Variants in PTER observed in about 807,000 individuals in gnomAD.
The protein encoded by PTER is phosphotriesterase related, also known as N-acetyltaurine hydrolase.
Under a neutral mutation model 29.6 loss-of-function variants are expected in PTER, and 38 were observed. That is an observed-to-expected ratio of 1.28 (90% CI 0.99 to 1.68). The LOEUF (loss-of-function observed/expected upper bound fraction) is 1.68. Among genes scored for constraint, PTER ranks in the 40% most tolerant of loss-of-function variants. The probability of loss-of-function intolerance (pLI) is 0.00; values close to 1 mark genes in which losing one functional copy is unlikely to be tolerated. For synonymous variants in PTER, 172 were observed against 154.5 expected, an observed-to-expected ratio of 1.11 and a Z score of -0.84; for missense variants, 482 against 427.8, an observed-to-expected ratio of 1.13 and a Z score of -1.12.
intron 3 of PTER, among the ~76,000 whole-genome samples, chr10:16,493,436 T>A (rs954217109): frequency 1.4e-4 from 21 of 152,076 alleles, no homozygotes; most frequent in Non-Finnish European, 2.5e-4. Context: ...ATTTTTTTTT[T>A]AAATTTTTAA....
intron 1 of PTER, among the ~76,000 whole-genome samples, chr10:16,444,314 G>A (rs563667231): frequency 6.6e-6 from 1 of 151,822 alleles, no homozygotes; most frequent in Non-Finnish European, 1.5e-5. Context: ...TTTTGAGACG[G>A]TGTCTTGCTC....
intron 1 of PTER, among the ~76,000 whole-genome samples, chr10:16,459,627 T>G (rs1834533587): frequency 6.6e-6 from 1 of 152,208 alleles, no homozygotes; most frequent in African/African-American, 2.4e-5. Flanking sequence ...CCCTCCTAAT[T>G]ATGACTCAAA....
chr10:16,490,196 A>G (rs1040879451), intron 3 of PTER, among the ~76,000 whole-genome samples: 5 of 152,198 alleles, frequency 3.3e-5, no homozygotes, highest in African/African-American at 1.2e-4. Context: ...GGTGTTGAAC[A>G]GCTCATATAA....
chr10:16,468,619 G>A (rs768105050), intron 1 of PTER, among the ~76,000 whole-genome samples: 1 of 152,112 alleles, frequency 6.6e-6, no homozygotes, highest in African/African-American at 2.4e-5. Context: ...GGGAACTGAG[G>A]ACTGAGAGGC....
intron 1 of PTER, among the ~76,000 whole-genome samples, chr10:16,462,754 A>G (rs1014864840): frequency 6.6e-6 from 1 of 151,666 alleles, no homozygotes; most frequent in African/African-American, 2.4e-5. Flanking sequence ...TATTTTTAGT[A>G]GAGACGGGGT....
At chr10:16,493,211 C>T (rs1330214204) in intron 3 of PTER, among the ~76,000 whole-genome samples, 3 of 152,160 alleles carry the variant, frequency 2.0e-5, no homozygotes, top group African/African-American at 7.2e-5. Flanking sequence ...AACTTACACA[C>T]ATTTAATCCC....
rs12265362 is a variant in PTER, at chr10:16,512,374, C to A, written c.*1118C>A. The A allele has an allele frequency of 3.9e-5, 6 of 152,036 alleles. No homozygotes were observed. Among genetic ancestry groups the A allele is most frequent in the African/African-American group, 1.4e-4 (6 of 41,396 alleles). 9.4% of individuals were successfully genotyped at this position (152,036 alleles called of 1,614,324 possible). A position where few individuals can be genotyped will look rare whatever the true frequency, so the allele number is the denominator to read the frequency against. On this transcript the variant is annotated 3_prime_UTR_variant, in exon 5 of 5. Coordinates refer to ENST00000535784, the MANE Select transcript of PTER (RefSeq NM_001261836.2). ...CCTAAAAATATTCTCCAAACCCTTGCTGCCAGTTCCTCTTTGATAAATATA... is the reference window on the plus strand; with the variant it reads ...CCTAAAAATATTCTCCAAACCCTTGATGCCAGTTCCTCTTTGATAAATATA...
At chr10:16,500,897 T>C (rs1158890105) in intron 3 of PTER, among the ~76,000 whole-genome samples, 4 of 151,988 alleles carry the variant, frequency 2.6e-5, no homozygotes, top group African/African-American at 9.7e-5. Context: ...TGAGCCACCA[T>C]GCCTGCCATC....
At chr10:16,462,518 C>G (rs1005366226) in intron 1 of PTER, among the ~76,000 whole-genome samples, 1 of 149,432 alleles carries the variant, frequency 6.7e-6, no homozygotes, top group Non-Finnish European at 1.5e-5. Context: ...GTTTTCTCGT[C>G]TTTGCAATTT....
rs772175224 is a variant in PTER at position 16,484,372 on chromosome 10, G to A, written c.-13G>A. 2 of 1,562,378 alleles carry A rather than the reference G, an allele frequency of 1.3e-6. No homozygotes were observed. The highest frequency in any genetic ancestry group is 2.8e-5 in the African/African-American group (2 of 71,996). On this transcript the variant is annotated 5_prime_UTR_variant, in exon 2 of 5. Transcript: ENST00000535784. ...TCCTCTTTTTAGAACATCTCTTGGT[G>A]GTACCATCAGAAATGTCTTCCTTAA... is the stretch of plus-strand genomic sequence containing the variant.
Position 16,511,170 on chromosome 10 carries a change from C to G in PTER, c.964C>G (p.Pro322Ala), listed in dbSNP as rs767748722. ...TTCTCATATACTCACCAATGTTGTT[C>G]CTAAAATGTTGCTGAGAGGCATAAC... ...GYSHILTNVV[P>A]KMLLRGITEN... is the part of the protein sequence containing the mutation. Residue 322 changes from proline to alanine, a missense_variant, in exon 5 of 5, where the codon CCT becomes GCT. Transcript: ENST00000535784. 6.2e-7 allele frequency: 1 copy of G among 1,614,042 alleles called. No individual in the cohort carries two copies. The highest frequency in any genetic ancestry group is 8.5e-7 in the Non-Finnish European group (1 of 1,179,966).
chr10:16,490,010 G>T (rs564445666), intron 3 of PTER, among the ~76,000 whole-genome samples: 1 of 152,084 alleles, frequency 6.6e-6, no homozygotes, highest in Non-Finnish European at 1.5e-5. Flanking sequence ...CTTAAGATGG[G>T]TTATGTTCCA....
chr10:16,449,127 G>T (rs1834113627), intron 1 of PTER, among the ~76,000 whole-genome samples: 1 of 152,218 alleles, frequency 6.6e-6, no homozygotes, highest in Admixed American at 6.5e-5. Context: ...AATCTCTGCA[G>T]TCCCTCCAGG....
chr10:16,450,032 A>T lies in PTER; in HGVS notation c.-49+12985A>T, dbSNP rs541543585. ...GGCCCAAATCAGTAAGTTCAGGCTGATCCAACTTTATGTTCCATCCACCAT... is the reference window on the plus strand; with the variant it reads ...GGCCCAAATCAGTAAGTTCAGGCTGTTCCAACTTTATGTTCCATCCACCAT... On this transcript the variant is annotated intron_variant, in intron 1 of 4. Coordinates refer to ENST00000535784, the MANE Select transcript of PTER (RefSeq NM_001261836.2). Among the ~76,000 whole-genome samples the T allele has an allele frequency of 3.9e-5, 6 of 152,292 alleles. No individual in the cohort carries two copies. The South Asian group carries it at 1.2e-3, about 32-fold the overall frequency.
chr10:16,454,957 A>G (rs1319667014), intron 1 of PTER, among the ~76,000 whole-genome samples: 1 of 152,202 alleles, frequency 6.6e-6, no homozygotes, highest in Non-Finnish European at 1.5e-5. Context: ...GGCCAGGTGC[A>G]GTGGCTCATG....
At chr10:16,474,670 G>A (rs571814009) in intron 1 of PTER, among the ~76,000 whole-genome samples, 1 of 152,064 alleles carries the variant, frequency 6.6e-6, no homozygotes, top group Admixed American at 6.6e-5. Flanking sequence ...GGTGGATCAT[G>A]AGGTCAGGAG....
At chr10:16,508,208 A>G (rs1446379928) in intron 4 of PTER, among the ~76,000 whole-genome samples, 1 of 151,236 alleles carries the variant, frequency 6.6e-6, no homozygotes, top group African/African-American at 2.4e-5. Context: ...AGCTGGGACT[A>G]CAGGCACCCG....
At chr10:16,469,868 C>A (rs965484869) in intron 1 of PTER, among the ~76,000 whole-genome samples, 7 of 151,464 alleles carry the variant, frequency 4.6e-5, no homozygotes, top group Middle Eastern at 3.4e-3. Context: ...GCATGAGCCA[C>A]CGTGCCTGGC....
Position 16,485,698 on chromosome 10 carries a change from G to T in PTER, c.433-654G>T, listed in dbSNP as rs201736212. On this transcript the variant is annotated intron_variant, in intron 2 of 4. Transcript: ENST00000535784. ...TATATTCTTCCAACCACTTTTAGTG[G>T]TAACTATACATATGAACCCAAAAGT... is the stretch of plus-strand genomic sequence containing the variant. 3.3e-5 allele frequency among the ~76,000 whole-genome samples: 5 copies of T among 152,176 alleles called. No homozygotes were observed. In the East Asian group the frequency reaches 7.7e-4, roughly 24 times the overall value.
Sources: allele counts gnomAD v4.1 joint callset (sites outside exome capture counted in the v4.1 genomes callset), GRCh38; gene constraint gnomAD v4.1.1; transcripts MANE v1.5; gene names NCBI Gene and HGNC (gene_info 2026-07-23, HGNC 2026-07-21).